The following SPECC1L variants were observed in gnomAD, a reference collection of about 807,000 sequenced individuals.
SPECC1L encodes sperm antigen with calponin homology and coiled-coil domains 1 like, also known as cytospin-A.
A neutral mutation model predicts 116.8 loss-of-function variants in SPECC1L; 40 were observed. The ratio of observed to expected loss-of-function variants is 0.34; its 90% CI spans 0.27 to 0.45. The LOEUF is 0.45. Ranked by LOEUF, SPECC1L falls within the 20% of genes least tolerant of loss-of-function variation. The probability of loss-of-function intolerance (pLI) is 1.00; values close to 1 mark genes in which losing one functional copy is unlikely to be tolerated. For missense variants in SPECC1L, 1,110 were observed against 1,373.6 expected, an observed-to-expected ratio of 0.81 and a Z score of 3.03; for synonymous variants, 504 against 500.6, an observed-to-expected ratio of 1.01 and a Z score of -0.09.
intron 14 of SPECC1L, among the ~76,000 whole-genome samples, chr22:24,393,602 CAG>C (rs1234857911): frequency 2.0e-5 from 3 of 152,170 alleles, no homozygotes; most frequent in East Asian, 1.9e-4. Flanking sequence ...AGCTCTAAAA[CAG>C]AGAGAGCCTG....
chr22:24,390,062 G>A (rs940845619), intron 14 of SPECC1L, among the ~76,000 whole-genome samples: 1 of 150,696 alleles, frequency 6.6e-6, no homozygotes, highest in Non-Finnish European at 1.5e-5. Context: ...CTTTTCACAT[G>A]TCATCCCTCT....
In SPECC1L at chr22:24,411,577, C is replaced by T. The variant is rs761758360; in HGVS notation, c.3088-11C>T. On this transcript the variant is annotated splice_polypyrimidine_tract_variant and intron_variant, in intron 14 of 16. Coordinates refer to ENST00000314328, the MANE Select transcript of SPECC1L (RefSeq NM_015330.6). ...ATGTGTTGGTTACATGTTTTTCTTC[C>T]TTTCCTTCAGAATATTGACATTACA... The T allele has an allele frequency of 6.2e-7, 1 of 1,612,514 alleles. No individual in the cohort carries two copies. The highest frequency in any genetic ancestry group is 8.5e-7 in the Non-Finnish European group (1 of 1,178,588).
chr22:24,325,784 T>C (rs1417433837), intron 6 of SPECC1L, among the ~76,000 whole-genome samples: 1 of 152,184 alleles, frequency 6.6e-6, no homozygotes, highest in African/African-American at 2.4e-5. Context: ...AAATGCCAAA[T>C]GTTAAAAGTG....
At chr22:24,289,684 T>C (rs1169418666) in intron 2 of SPECC1L, among the ~76,000 whole-genome samples, 3 of 151,918 alleles carry the variant, frequency 2.0e-5, no homozygotes, top group Non-Finnish European at 2.9e-5. Flanking sequence ...TTGGTATTAC[T>C]GATAACTACC....
At chr22:24,336,402 C>T (rs1215275210) in intron 9 of SPECC1L, among the ~76,000 whole-genome samples, 2 of 151,934 alleles carry the variant, frequency 1.3e-5, no homozygotes, top group African/African-American at 4.8e-5. Flanking sequence ...TTGTTAGTGG[C>T]CACCTCTGGG....
At chr22:24,411,411 T>C (rs541592403) in intron 14 of SPECC1L, among the ~76,000 whole-genome samples, 177 bp from the exon 15 acceptor site, 1 of 151,284 alleles carries the variant, frequency 6.6e-6, no homozygotes, top group South Asian at 2.1e-4. Flanking sequence ...AGCTGGTGGG[T>C]GGGACGGGTT....
intron 10 of SPECC1L, 95 bp downstream of exon 10, chr22:24,338,572 A>G: frequency 2.9e-6 from 3 of 1,036,276 alleles, no homozygotes; most frequent in Non-Finnish European, 1.5e-6. Context: ...TTAGTTGGGT[A>G]AATGACTACC....
intron 2 of SPECC1L, among the ~76,000 whole-genome samples, chr22:24,292,905 G>A (rs1351749180): frequency 2.6e-5 from 4 of 152,130 alleles, no homozygotes; most frequent in Non-Finnish European, 1.5e-5. Context: ...TGGAACCTTG[G>A]GCTGATTTAC....
chr22:24,322,093 G>A lies in SPECC1L; in HGVS notation c.1113G>A (p.Ser371=), dbSNP rs201343103. The change falls in exon 5 of 17, where the codon TCG becomes TCA. Residue 371 remains serine, a synonymous_variant. Coordinates refer to ENST00000314328, the MANE Select transcript of SPECC1L (RefSeq NM_015330.6). ...DALDAPSSSE[S]EGIPSIERSR... ...TGGATGCACCATCCTCCTCAGAGTC[G>A]GAAGGCATCCCCAGCATAGAGCGCT... The A allele has an allele frequency of 2.5e-6, 4 of 1,614,118 alleles. No homozygotes were observed. Among genetic ancestry groups the A allele is most frequent in the East Asian group, 2.2e-5 (1 of 44,878 alleles).
At chr22:24,330,695 C>T (rs5996690) in intron 8 of SPECC1L, among the ~76,000 whole-genome samples, 188 of 152,252 alleles carry the variant, frequency 1.2e-3, no homozygotes, top group African/African-American at 4.1e-3. Flanking sequence ...CTCCTTTCCC[C>T]CAGACCCACA....
At chr22:24,371,456 T>C (rs577001101) in intron 14 of SPECC1L, among the ~76,000 whole-genome samples, 40 of 152,314 alleles carry the variant, frequency 2.6e-4, no homozygotes, top group Non-Finnish European at 1.3e-4. Context: ...CTACAAAGAT[T>C]AAAATGAAAT....
intron 14 of SPECC1L, among the ~76,000 whole-genome samples, chr22:24,372,954 A>C (rs2041900197): frequency 6.6e-6 from 1 of 152,212 alleles, no homozygotes; most frequent in African/African-American, 2.4e-5. Context: ...AATGTGCAAA[A>C]ATCACAAGCA....
At chr22:24,340,177 C>G (rs552742319) in intron 10 of SPECC1L, among the ~76,000 whole-genome samples, 4 of 108,152 alleles carry the variant, frequency 3.7e-5, no homozygotes, top group Non-Finnish European at 6.8e-5. Flanking sequence ...GAGACGGAGT[C>G]TCACTCTGTT....
Position 24,365,652 on chromosome 22 carries a change from C to A in SPECC1L, c.2984+20C>A. 6.2e-7 allele frequency: 1 copy of A among 1,613,660 alleles called. No homozygotes were observed. The highest frequency in any genetic ancestry group is 1.1e-5 in the South Asian group (1 of 91,066). ...AATAAGGTAGAGAACAGTTAATATT[C>A]ATGCATTTCGTGTGTACCTTTCCTG... On this transcript the variant is annotated intron_variant, in intron 13 of 16. Coordinates refer to ENST00000314328, the MANE Select transcript of SPECC1L (RefSeq NM_015330.6).
At chr22:24,271,370 C>G (rs2048723556) in intron 1 of SPECC1L, among the ~76,000 whole-genome samples, 1 of 152,232 alleles carries the variant, frequency 6.6e-6, no homozygotes, top group Non-Finnish European at 1.5e-5. Flanking sequence ...TCGCCCGGGT[C>G]CCTTGCCTGG....
chr22:24,329,759 T>G (rs551512157), intron 7 of SPECC1L, among the ~76,000 whole-genome samples: 5 of 152,338 alleles, frequency 3.3e-5, no homozygotes, highest in Middle Eastern at 3.4e-3. Flanking sequence ...ATATTGAGTT[T>G]AGTGTTTTTC....
intron 11 of SPECC1L, among the ~76,000 whole-genome samples, chr22:24,360,530 A>G (rs2041622520): frequency 6.6e-6 from 1 of 152,118 alleles, no homozygotes. Flanking sequence ...CGTTGGGCAC[A>G]TGTATCAGCA....
chr22:24,281,925 G>A (rs1391830781), intron 2 of SPECC1L, among the ~76,000 whole-genome samples: 1 of 152,250 alleles, frequency 6.6e-6, no homozygotes, highest in Non-Finnish European at 1.5e-5. Context: ...TTCAGGCAGA[G>A]CCTGCTGGGT....
intron 14 of SPECC1L, among the ~76,000 whole-genome samples, chr22:24,393,320 G>A (rs1175773719): frequency 6.6e-6 from 1 of 152,202 alleles, no homozygotes; most frequent in South Asian, 2.1e-4. Context: ...GGGAATCTGG[G>A]TAGATGAGGC....
Sources: gnomAD v4.1 joint callset for allele counts (sites outside exome capture counted in the v4.1 genomes callset) on GRCh38, gnomAD v4.1.1 for gene constraint, MANE v1.5 for transcripts, NCBI Gene and HGNC (gene_info 2026-07-23, HGNC 2026-07-21) for gene names.